TBCE: variants seen among roughly 807,000 people sequenced by gnomAD.
TBCE encodes tubulin folding cofactor E.
A neutral mutation model predicts 77.0 loss-of-function variants in TBCE; 53 were observed. The observed-to-expected ratio is 0.69, with a 90% CI of 0.55 to 0.87. The LOEUF (loss-of-function observed/expected upper bound fraction) is 0.87. TBCE is among the 40% of genes least tolerant of loss of function. The pLI is 0.00. For synonymous variants in TBCE, 235 were observed against 241.3 expected (o/e 0.97, Z 0.24); for missense variants, 624 against 622.4 (o/e 1.00, Z -0.03).
At chr1:235,441,496 C>T (rs894973846) in intron 13 of TBCE, 1 of 319,580 alleles carries the variant, frequency 3.1e-6, no homozygotes, top group African/African-American at 2.1e-5. Flanking sequence ...TGAGTCAGGA[C>T]ACCTAAGGAA....
intron 2 of TBCE, among the ~76,000 whole-genome samples, chr1:235,388,216 T>A (rs2102829805): frequency 6.6e-6 from 1 of 152,178 alleles, no homozygotes; most frequent in East Asian, 1.9e-4. Flanking sequence ...GTCTTAAAAC[T>A]TTTATATAGC....
chr1:235,389,098 A>G (rs1678212530), intron 2 of TBCE, among the ~76,000 whole-genome samples: 1 of 152,238 alleles, frequency 6.6e-6, no homozygotes, highest in African/African-American at 2.4e-5. Flanking sequence ...ATTGGGAGAT[A>G]AGTCCCAATT....
chr1:235,413,101 C>A (rs1412360857), intron 3 of TBCE, among the ~76,000 whole-genome samples: 1 of 152,118 alleles, frequency 6.6e-6, no homozygotes, highest in Non-Finnish European at 1.5e-5. Flanking sequence ...CTGTGCCTGG[C>A]CAGAATTATG....
intron 13 of TBCE, chr1:235,441,099 A>C (rs1346001123): frequency 6.5e-6 from 1 of 152,762 alleles, no homozygotes; most frequent in Non-Finnish European, 1.5e-5. Context: ...GTGAATTCTA[A>C]ATCACTCGGG....
At chr1:235,386,815 T>C (rs1324409671) in intron 2 of TBCE, among the ~76,000 whole-genome samples, 101 of 152,084 alleles carry the variant, frequency 6.6e-4, no homozygotes, top group Middle Eastern at 3.4e-3. Context: ...AGTCATTCTC[T>C]GTCCAGCTTT....
intron 3 of TBCE, among the ~76,000 whole-genome samples, chr1:235,409,967 T>C (rs926588117): frequency 6.8e-6 from 1 of 146,208 alleles, no homozygotes; most frequent in African/African-American, 2.6e-5. Flanking sequence ...GAGTTGGAGA[T>C]TGCAGTGAAC....
intron 13 of TBCE, 181 bp from the exon 14 acceptor site, chr1:235,441,633 C>T: frequency 1.6e-6 from 1 of 607,042 alleles, no homozygotes. Flanking sequence ...GAAGATTCTG[C>T]CCTTGGAAGT....
chr1:235,393,922 TGACA>T (rs2102841685), intron 2 of TBCE, among the ~76,000 whole-genome samples: 1 of 152,334 alleles, frequency 6.6e-6, no homozygotes, highest in East Asian at 1.9e-4. Flanking sequence ...TTCCTGCCTT[TGACA>T]GACACACCGT....
intron 15 of TBCE, among the ~76,000 whole-genome samples, chr1:235,447,012 C>T (rs541245292): frequency 6.6e-6 from 1 of 152,198 alleles, no homozygotes; most frequent in African/African-American, 2.4e-5. Flanking sequence ...CTTTTTGTTT[C>T]TGGCATGTGT....
intron 1 of TBCE, among the ~76,000 whole-genome samples, chr1:235,368,054 T>C (rs1227295503): frequency 1.3e-5 from 2 of 152,094 alleles, no homozygotes; most frequent in Non-Finnish European, 2.9e-5. Context: ...TACAGGCGCG[T>C]GCCACCACGC....
chr1:235,450,366 C>A lies in TBCE; in HGVS notation c.*1604C>A. On this transcript the variant is annotated 3_prime_UTR_variant, in exon 17 of 17. Transcript: ENST00000642610. ...CTGTTGAGAAACAACCAAAGCCGAT[C>A]TGAGAGTGGTGAAACTGTTTTAAGA... The A allele has an allele frequency of 1.9e-6, 3 of 1,611,870 alleles. No individual in the cohort carries two copies. The highest frequency in any genetic ancestry group is 2.5e-6 in the Non-Finnish European group (3 of 1,178,310).
chr1:235,447,522 A>G (rs918570205), intron 15 of TBCE, among the ~76,000 whole-genome samples: 1 of 152,238 alleles, frequency 6.6e-6, no homozygotes, highest in Non-Finnish European at 1.5e-5. Context: ...ACAGTTACAC[A>G]TGATGTAATT....
chr1:235,394,886 G>A (rs1309008961), intron 2 of TBCE, among the ~76,000 whole-genome samples: 1 of 151,878 alleles, frequency 6.6e-6, no homozygotes, highest in Admixed American at 6.6e-5. Context: ...CTAATTTTTT[G>A]TTGAGACAAG....
rs200087113 is a variant in TBCE, at chr1:235,382,983, A to C, written c.100+2834A>C. Among the ~76,000 whole-genome samples, 460 of 145,152 alleles carry C rather than the reference A, an allele frequency of 3.2e-3. 8 individuals are homozygous for C. In the East Asian group the frequency reaches 0.062, roughly 20 times the overall value. On this transcript the variant is annotated intron_variant, in intron 2 of 16. Transcript: ENST00000642610. ...TTAAGTCTTTAATCCATCTTGAATT[A>C]ATTTTTGTATAAGGTGTAAGGAAGG...
intron 7 of TBCE, chr1:235,433,328 C>G (rs1447291039): frequency 8.2e-6 from 3 of 363,702 alleles, no homozygotes; most frequent in Non-Finnish European, 1.3e-5. Flanking sequence ...CAAAATGATT[C>G]TCCTGCGTCA....
At chr1:235,370,876 G>T (rs1426547951) in intron 1 of TBCE, among the ~76,000 whole-genome samples, 1 of 148,088 alleles carries the variant, frequency 6.8e-6, no homozygotes, top group Non-Finnish European at 1.5e-5. Flanking sequence ...TGAGTAGCTG[G>T]GATTACAGGC....
rs547182393 is a variant in TBCE at position 235,419,233 on chromosome 1, G to T, written c.372-240G>T. On this transcript the variant is annotated intron_variant, in intron 4 of 16. Transcript: ENST00000642610. ...AAAGCAAAAAGAAAAGTTTACCTCT[G>T]GGAGTAGAGGGAGAATTGTGTTTGG... is the stretch of plus-strand genomic sequence containing the variant. 14 of 605,242 alleles carry T rather than the reference G, an allele frequency of 2.3e-5. No homozygotes were observed. The African/African-American group carries it at 2.6e-4, about 11-fold the overall frequency. 37.5% of individuals were successfully genotyped at this position (605,242 alleles called of 1,614,324 possible).
intron 5 of TBCE, 112 bp downstream of exon 5, chr1:235,419,673 T>C (rs1680290022): frequency 6.9e-7 from 1 of 1,448,336 alleles, no homozygotes; most frequent in Non-Finnish European, 9.5e-7. Flanking sequence ...TCCTTCCTAA[T>C]GCAGTTCAGT....
At position 235,425,824 on chromosome 1, in the gene TBCE, G is replaced by A. The variant is rs144848001; in HGVS notation, c.461-1316G>A. On this transcript the variant is annotated intron_variant, in intron 5 of 16. Transcript: ENST00000642610. ...GCCATGTGCTCCTCTCCCAGATGGC[G>A]TTCCCCCATTTCCCTCAGCTCTCTG... Among the ~76,000 whole-genome samples, 176 of 152,156 alleles carry A rather than the reference G, an allele frequency of 1.2e-3. 3 individuals are homozygous for A. The highest frequency in any genetic ancestry group is 3.8e-3 in the African/African-American group (158 of 41,504).
Sources: gnomAD v4.1 joint callset for allele counts (sites outside exome capture counted in the v4.1 genomes callset) on GRCh38, gnomAD v4.1.1 for gene constraint, MANE v1.5 for transcripts, NCBI Gene and HGNC (gene_info 2026-07-23, HGNC 2026-07-21) for gene names.